Variants in VPS8 observed in about 807,000 individuals in gnomAD.
VPS8 encodes vacuolar protein sorting-associated protein 8 homolog.
A neutral mutation model predicts 216.4 loss-of-function variants in VPS8; 129 were observed. That is an observed-to-expected ratio of 0.60 (90% CI 0.52 to 0.69). The LOEUF (loss-of-function observed/expected upper bound fraction) is 0.69, where lower values mean the gene tolerates loss of function less well. VPS8 is among the 30% of genes least tolerant of loss of function. The probability of loss-of-function intolerance (pLI) is 0.00; values close to 1 mark genes in which losing one functional copy is unlikely to be tolerated. For missense variants in VPS8, 1,531 were observed against 1,683.5 expected, an observed-to-expected ratio of 0.91 and a Z score of 1.59; for synonymous variants, 571 against 565.4, an observed-to-expected ratio of 1.01 and a Z score of -0.14.
chr3:184,826,615 C>T (rs1200558765), intron 3 of VPS8, among the ~76,000 whole-genome samples: 1 of 152,184 alleles, frequency 6.6e-6, no homozygotes, highest in Non-Finnish European at 1.5e-5. Flanking sequence ...TAATACTTGG[C>T]AGACTTTAAA....
intron 47 of VPS8, among the ~76,000 whole-genome samples, chr3:185,050,489 G>T (rs1385333537): frequency 8.8e-6 from 1 of 113,346 alleles, no homozygotes; most frequent in Non-Finnish European, 1.8e-5. Context: ...GTGACACATG[G>T]ACACGTGAGC....
intron 20 of VPS8, 131 bp downstream of exon 20, chr3:184,869,659 A>G (rs1226304403): frequency 1.2e-6 from 1 of 811,972 alleles, no homozygotes; most frequent in Non-Finnish European, 1.9e-6. Flanking sequence ...ACACACACAC[A>G]CAGACACACA....
At chr3:184,859,333 G>A (rs576052762) in intron 14 of VPS8, among the ~76,000 whole-genome samples, 1 of 152,016 alleles carries the variant, frequency 6.6e-6, no homozygotes, top group Non-Finnish European at 1.5e-5. Flanking sequence ...TTCTTCCACC[G>A]AAGCTTCACC....
chr3:184,842,300 A>G (rs1326074843), intron 7 of VPS8, among the ~76,000 whole-genome samples: 1 of 151,706 alleles, frequency 6.6e-6, no homozygotes, highest in Non-Finnish European at 1.5e-5. Context: ...AGCAGAGGAA[A>G]AGAGAACATT....
At chr3:184,951,123 C>T (rs970773566) in intron 36 of VPS8, among the ~76,000 whole-genome samples, 2 of 152,138 alleles carry the variant, frequency 1.3e-5, no homozygotes, top group African/African-American at 4.8e-5. Context: ...CTGGTTCTAG[C>T]TCCTTGAGGA....
Position 185,025,371 on chromosome 3 carries a change from C to T in VPS8, c.4056+982C>T, listed in dbSNP as rs184365603. On this transcript the variant is annotated intron_variant, in intron 46 of 47. Transcript: ENST00000625842. ...GTTTCTTTCCCTTGCCCTTTTTTGC[C>T]ATTTCAGCCAGCATCCATATCAGTG... is the stretch of plus-strand genomic sequence containing the variant. 4.6e-5 allele frequency among the ~76,000 whole-genome samples: 7 copies of T among 151,814 alleles called. No individual in the cohort carries two copies. The East Asian group carries it at 1.2e-3, about 25-fold the overall frequency.
intron 30 of VPS8, among the ~76,000 whole-genome samples, chr3:184,925,189 C>A (rs1218907073): frequency 6.6e-6 from 1 of 152,038 alleles, no homozygotes; most frequent in Non-Finnish European, 1.5e-5. Flanking sequence ...AGATTGTGTT[C>A]TCTCAATTAT....
chr3:184,901,778 T>G (rs1019884459), intron 25 of VPS8, among the ~76,000 whole-genome samples: 5 of 152,138 alleles, frequency 3.3e-5, no homozygotes, highest in African/African-American at 1.2e-4. Context: ...TGTGGACAAA[T>G]GTGTTCATTT....
chr3:184,871,457 G>T (rs1337314902), intron 21 of VPS8, among the ~76,000 whole-genome samples: 1 of 152,082 alleles, frequency 6.6e-6, no homozygotes, highest in Non-Finnish European at 1.5e-5. Context: ...GGGATCAGCA[G>T]ACTTTTTCTA....
intron 46 of VPS8, among the ~76,000 whole-genome samples, chr3:185,045,355 G>A (rs1712630070): frequency 6.6e-6 from 1 of 152,186 alleles, no homozygotes; most frequent in South Asian, 2.1e-4. Flanking sequence ...CTTCAAGTAT[G>A]ATTTGGAAGG....
intron 16 of VPS8, among the ~76,000 whole-genome samples, chr3:184,866,311 T>C (rs1386834688): frequency 6.6e-6 from 1 of 152,242 alleles, no homozygotes; most frequent in Non-Finnish European, 1.5e-5. Flanking sequence ...ACATTTTGTT[T>C]AATTCTATTC....
chr3:184,992,952 A>G (rs993378691), intron 42 of VPS8, among the ~76,000 whole-genome samples: 2 of 152,082 alleles, frequency 1.3e-5, no homozygotes, highest in African/African-American at 4.8e-5. Context: ...TCCAATTGAG[A>G]TTTGCAGCCA....
At chr3:184,881,295 G>A (rs1187263736) in intron 21 of VPS8, among the ~76,000 whole-genome samples, 1 of 152,066 alleles carries the variant, frequency 6.6e-6, no homozygotes, top group African/African-American at 2.4e-5. Context: ...ACTTAAATGT[G>A]TGATCTATTT....
chr3:184,829,175 G>A (rs929302114), intron 3 of VPS8, among the ~76,000 whole-genome samples: 5 of 152,080 alleles, frequency 3.3e-5, no homozygotes, highest in African/African-American at 1.2e-4. Flanking sequence ...GTTTTGGCAT[G>A]TACATACTTA....
intron 36 of VPS8, among the ~76,000 whole-genome samples, chr3:184,955,090 A>T (rs1745352206): frequency 6.6e-6 from 1 of 152,138 alleles, no homozygotes. Context: ...CCTGTTACTT[A>T]GCAGACCGCG....
intron 22 of VPS8, among the ~76,000 whole-genome samples, chr3:184,894,365 G>A (rs1369004982): frequency 6.6e-6 from 1 of 151,986 alleles, no homozygotes; most frequent in Non-Finnish European, 1.5e-5. Flanking sequence ...CAGGATTTAG[G>A]CCGGAAGGCT....
intron 10 of VPS8, 119 bp downstream of exon 10, chr3:184,850,141 A>AAATGTT: frequency 1.4e-6 from 1 of 727,412 alleles, no homozygotes; most frequent in South Asian, 2.0e-5. Flanking sequence ...ATGAAGCTGA[A>AAATGTT]CATTACCTTA....
chr3:184,926,776 T>G, intron 31 of VPS8, 126 bp downstream of exon 31: 1 of 908,900 alleles, frequency 1.1e-6, no homozygotes. Flanking sequence ...AATACGAAGT[T>G]AGAGTCAGTG....
intron 8 of VPS8, 38 bp downstream of exon 8, chr3:184,843,283 T>C: frequency 7.3e-7 from 1 of 1,367,784 alleles, no homozygotes; most frequent in Non-Finnish European, 9.7e-7. Flanking sequence ...AATGGTTTCT[T>C]TTGGTCTTTT....
Sources: gnomAD v4.1 joint callset for allele counts (sites outside exome capture counted in the v4.1 genomes callset) on GRCh38, gnomAD v4.1.1 for gene constraint, MANE v1.5 for transcripts, NCBI Gene and HGNC (gene_info 2026-07-23, HGNC 2026-07-21) for gene names.